LRRCC1: variants seen among roughly 807,000 people sequenced by gnomAD.
LRRCC1 encodes leucine rich repeat and coiled-coil centrosomal protein 1.
Under a neutral mutation model 126.0 loss-of-function variants are expected in LRRCC1, and 115 were observed. The ratio of observed to expected loss-of-function variants is 0.91; its 90% CI spans 0.78 to 1.07. The LOEUF is 1.07. Among genes scored for constraint, LRRCC1 ranks in the 50% least tolerant of loss-of-function variants. LRRCC1 has a pLI of 0.00. For synonymous variants in LRRCC1, 400 were observed against 393.4 expected (o/e 1.02, Z -0.20); for missense variants, 1,172 against 1,175.7 (o/e 1.00, Z 0.05).
In LRRCC1 at chr8:85,115,164, T is replaced by A; in HGVS notation, c.609T>A (p.Phe203Leu). The A allele has an allele frequency of 1.2e-6, 2 of 1,613,146 alleles. No individual in the cohort carries two copies. Among genetic ancestry groups the A allele is most frequent in the Non-Finnish European group, 1.7e-6 (2 of 1,179,408 alleles). ...QLRILDCKNI[F>L]GEPVNLTEIN... is the part of the protein sequence containing the mutation. ...GAATCCTAGATTGCAAGAACATATT[T>A]GGTGAACCAGTAAATTTGACAGAAA... Residue 203 changes from phenylalanine to leucine, a missense_variant, in exon 5 of 19, where the codon TTT (phenylalanine) becomes TTA (leucine). Phe to Leu is a conservative substitution (Grantham distance 22, BLOSUM62 0). Coordinates refer to ENST00000360375, the MANE Select transcript of LRRCC1 (RefSeq NM_033402.5).
chr8:85,115,524 T>C lies in LRRCC1; in HGVS notation c.870T>C (p.Asp290=). Residue 290 remains aspartate (D), a synonymous_variant, in exon 6 of 19, where the codon GAT becomes GAC. Coordinates refer to ENST00000360375, the MANE Select transcript of LRRCC1 (RefSeq NM_033402.5). ...CAGAGAAAAATAATCATGAAAACGA[T>C]TTGCAGAATGAGATAAAACTTCAGA... ...SEPEKNNHEN[D]LQNEIKLQKL... is the part of the protein sequence containing the mutation. 1 of 1,613,606 alleles carries C rather than the reference T, an allele frequency of 6.2e-7. No homozygotes were observed. Among genetic ancestry groups the C allele is most frequent in the Non-Finnish European group, 8.5e-7 (1 of 1,179,774 alleles).
intron 12 of LRRCC1, among the ~76,000 whole-genome samples, chr8:85,134,618 C>G (rs1271967777): frequency 6.6e-6 from 1 of 152,156 alleles, no homozygotes; most frequent in Non-Finnish European, 1.5e-5. Flanking sequence ...CCGCGCCCAG[C>G]CCAAATAAAT....
At chr8:85,128,255 G>A (rs1336562430) in intron 9 of LRRCC1, among the ~76,000 whole-genome samples, 1 of 152,160 alleles carries the variant, frequency 6.6e-6, no homozygotes, top group African/African-American at 2.4e-5. Context: ...ATTAGAGGAC[G>A]CTGTGTCTAG....
intron 11 of LRRCC1, 21 bp from the exon 12 acceptor site, chr8:85,131,739 T>A: frequency 6.3e-7 from 1 of 1,584,120 alleles, no homozygotes; most frequent in South Asian, 1.1e-5. Flanking sequence ...TCCTTTTATC[T>A]TTATATGTTT....
At chr8:85,131,382 CT>C (rs1275981303) in intron 11 of LRRCC1, among the ~76,000 whole-genome samples, 4 of 152,190 alleles carry the variant, frequency 2.6e-5, no homozygotes, top group African/African-American at 9.6e-5. Flanking sequence ...CTTTAACTGA[CT>C]TTTTCTATTA....
At chr8:85,111,001 G>C (rs1310628195) in intron 3 of LRRCC1, among the ~76,000 whole-genome samples, 1 of 152,166 alleles carries the variant, frequency 6.6e-6, no homozygotes, top group East Asian at 1.9e-4. Context: ...AAAAGACCTA[G>C]TCTGTACCCT....
intron 12 of LRRCC1, among the ~76,000 whole-genome samples, chr8:85,132,334 T>C (rs1810529498): frequency 6.6e-6 from 1 of 151,860 alleles, no homozygotes; most frequent in Non-Finnish European, 1.5e-5. Context: ...ACATATTATC[T>C]ATGGCTGCTT....
chr8:85,143,631 T>C (rs1012666953), intron 18 of LRRCC1, among the ~76,000 whole-genome samples: 1 of 152,164 alleles, frequency 6.6e-6, no homozygotes, highest in Admixed American at 6.5e-5. Context: ...AACAATATCC[T>C]ATCTCAAAAT....
At chr8:85,107,467 G>GCCTCCACTCTGGTGTCGCC in intron 1 of LRRCC1, 68 bp downstream of exon 1, 1 of 1,370,910 alleles carries the variant, frequency 7.3e-7, no homozygotes, top group Non-Finnish European at 1.0e-6. Flanking sequence ...AGTGGCTGGC[G>GCCTCCACTCTGGTGTCGCC]GCGACACCAG....
intron 12 of LRRCC1, 35 bp downstream of exon 12, chr8:85,131,996 G>C (rs774793832): frequency 6.4e-7 from 1 of 1,552,622 alleles, no homozygotes; most frequent in Non-Finnish European, 8.8e-7. Flanking sequence ...ATTGAAAACA[G>C]AATCAGTAAG....
rs572003606 is a variant in LRRCC1 at position 85,145,170 on chromosome 8, T to G, written c.2977-219T>G. Among the ~76,000 whole-genome samples, 210 of 150,358 alleles carry G rather than the reference T, an allele frequency of 1.4e-3. 1 individual carries two copies. The highest frequency in any genetic ancestry group is 4.9e-3 in the African/African-American group (202 of 41,140). The stretch of plus-strand genomic sequence containing the variant: ...TTTTCACAAGTTTATGAAAACTAAG[T>G]AGATAATATATTAATGCATGAAAGT... On this transcript the variant is annotated intron_variant, in intron 18 of 18. Transcript: ENST00000360375.
intron 6 of LRRCC1, 99 bp downstream of exon 6, chr8:85,115,683 T>G: frequency 2.6e-6 from 2 of 771,198 alleles, no homozygotes; most frequent in Non-Finnish European, 4.2e-6. Flanking sequence ...CCAACCTATT[T>G]TAGTGCATCA....
intron 9 of LRRCC1, among the ~76,000 whole-genome samples, chr8:85,128,727 A>G (rs977285208): frequency 3.3e-5 from 5 of 151,946 alleles, no homozygotes; most frequent in Non-Finnish European, 4.4e-5. Flanking sequence ...TCCTTATTTT[A>G]TATTTCTTGC....
chr8:85,127,323 A>C (rs1373009930), intron 9 of LRRCC1, among the ~76,000 whole-genome samples: 1 of 132,364 alleles, frequency 7.6e-6, no homozygotes, highest in Non-Finnish European at 1.7e-5. Flanking sequence ...GTTTTGTTGT[A>C]TTGCATTCTT....
intron 18 of LRRCC1, among the ~76,000 whole-genome samples, chr8:85,141,846 A>G (rs943187579): frequency 1.3e-5 from 2 of 152,240 alleles, no homozygotes; most frequent in Non-Finnish European, 2.9e-5. Context: ...ATCTGAAGGT[A>G]TTAAACATAA....
At chr8:85,116,584 A>G (rs1174747746) in intron 6 of LRRCC1, among the ~76,000 whole-genome samples, 1 of 152,026 alleles carries the variant, frequency 6.6e-6, no homozygotes, top group Non-Finnish European at 1.5e-5. Context: ...TTTGTTACCC[A>G]GGCTTTCTCA....
At chr8:85,137,879 A>G (rs1810981538) in intron 15 of LRRCC1, among the ~76,000 whole-genome samples, 156 bp from the exon 16 acceptor site, 2 of 152,200 alleles carry the variant, frequency 1.3e-5, no homozygotes, top group South Asian at 2.1e-4. Flanking sequence ...ATAACTGGAA[A>G]TACCCAATGT....
chr8:85,123,399 T>G lies in LRRCC1; in HGVS notation c.931-14T>G. The G allele has an allele frequency of 6.4e-7, 1 of 1,557,978 alleles. No homozygotes were observed. The highest frequency in any genetic ancestry group is 8.6e-7 in the Non-Finnish European group (1 of 1,156,216). Reference sequence around the variant, plus strand: ...TGAACTTTTAACAAATTTTGTTGGCTTTTTAAATTTTAGACTTCTAATTCA... The same window carrying G: ...TGAACTTTTAACAAATTTTGTTGGCGTTTTAAATTTTAGACTTCTAATTCA... On this transcript the variant is annotated splice_polypyrimidine_tract_variant and intron_variant, in intron 6 of 18. Transcript: ENST00000360375.
intron 6 of LRRCC1, among the ~76,000 whole-genome samples, chr8:85,123,072 A>G (rs1373969024): frequency 6.6e-6 from 1 of 152,196 alleles, no homozygotes; most frequent in East Asian, 1.9e-4. Context: ...TCAGGCTAAA[A>G]ACCATAAAAA....
Sources: gnomAD v4.1 joint callset for allele counts (sites outside exome capture counted in the v4.1 genomes callset) on GRCh38, gnomAD v4.1.1 for gene constraint, MANE v1.5 for transcripts, NCBI Gene and HGNC (gene_info 2026-07-23, HGNC 2026-07-21) for gene names.